OSBPL3: variants seen among roughly 807,000 people sequenced by gnomAD.
OSBPL3 encodes oxysterol binding protein like 3, also known as oxysterol-binding protein-related protein 3.
A neutral mutation model predicts 120.1 loss-of-function variants in OSBPL3; 65 were observed. The observed-to-expected ratio is 0.54, with a 90% confidence interval of 0.44 to 0.67. The LOEUF is 0.67. OSBPL3 is among the 30% of genes least tolerant of loss of function. The pLI, the probability that OSBPL3 is intolerant of heterozygous loss-of-function variation, is 0.00. For synonymous variants in OSBPL3, 416 were observed against 402.6 expected (o/e 1.03, Z -0.40); for missense variants, 1,004 against 1,082.1 (o/e 0.93, Z 1.01).
rs1436377637 is a variant in OSBPL3, at chr7:24,968,245, T to C, written c.-150+11641A>G. 6.6e-6 allele frequency among the ~76,000 whole-genome samples: 1 copy of C among 152,174 alleles called. No homozygotes were observed. The highest frequency in any genetic ancestry group is 2.4e-5 in the African/African-American group (1 of 41,436). ...CTCTCTGGAAAAACAAAAACAAAAA[T>C]GTCCTCATGTGTTATGTTTCCTGAT... is the stretch of plus-strand genomic sequence containing the variant. On this transcript the variant is annotated intron_variant, in intron 1 of 22. Coordinates refer to ENST00000313367, the MANE Select transcript of OSBPL3 (RefSeq NM_015550.4). The surrounding 1 kb of genome is among the most constrained non-coding windows in gnomAD (Gnocchi z 4.6).
At chr7:24,977,673 G>A (rs1817733788) in intron 1 of OSBPL3, among the ~76,000 whole-genome samples, 2 of 152,136 alleles carry the variant, frequency 1.3e-5, no homozygotes, top group South Asian at 4.1e-4. Flanking sequence ...TGGCTAACAC[G>A]GTGAAACCCC....
At chr7:24,948,827 A>T (rs999267620) in intron 1 of OSBPL3, among the ~76,000 whole-genome samples, 1 of 152,254 alleles carries the variant, frequency 6.6e-6, no homozygotes, top group African/African-American at 2.4e-5. Context: ...AGGTGTGGAT[A>T]CAAAGTATAT....
chr7:24,928,993 T>C (rs13230759), intron 1 of OSBPL3, among the ~76,000 whole-genome samples: 5,787 of 152,304 alleles, frequency 0.038, 151 homozygotes, highest in Non-Finnish European at 0.059. Flanking sequence ...GGCCTTTCTC[T>C]TGGGTAAATA....
chr7:24,929,151 T>C (rs1039456497), intron 1 of OSBPL3, among the ~76,000 whole-genome samples: 10 of 152,194 alleles, frequency 6.6e-5, no homozygotes, highest in African/African-American at 2.4e-4. Flanking sequence ...ACATTTGCTA[T>C]TGTCAGTCTT....
At position 24,936,256 on chromosome 7, in the gene OSBPL3, C is replaced by G. The variant is rs1341344514; in HGVS notation, c.-150+43630G>C. 6.6e-6 allele frequency among the ~76,000 whole-genome samples: 1 copy of G among 152,136 alleles called. No individual in the cohort carries two copies. Among genetic ancestry groups the G allele is most frequent in the Non-Finnish European group, 1.5e-5 (1 of 68,012 alleles). ...ACATATGCGAATATTTCAAAGGAAG[C>G]TGAGACAGTGAATACAGGCTGTTAC... On this transcript the variant is annotated intron_variant, in intron 1 of 22. Coordinates refer to ENST00000313367, the MANE Select transcript of OSBPL3 (RefSeq NM_015550.4). This position sits in a 1 kb window ranked among gnomAD's most constrained non-coding sequence, Gnocchi z 4.2.
intron 22 of OSBPL3, among the ~76,000 whole-genome samples, chr7:24,801,376 CA>C (rs1792337193): frequency 1.3e-5 from 2 of 151,946 alleles, no homozygotes; most frequent in Non-Finnish European, 2.9e-5. Flanking sequence ...TATACAGCTT[CA>C]AGTTTTTATC....
chr7:24,829,676 G>C (rs539205638), intron 16 of OSBPL3, among the ~76,000 whole-genome samples: 2 of 152,122 alleles, frequency 1.3e-5, no homozygotes, highest in African/African-American at 4.8e-5. Flanking sequence ...GAGAGTGGAC[G>C]TGTTTGATTG....
rs1202924923 is a variant in OSBPL3, at chr7:24,797,059, G to A, written c.*3124C>T. The A allele has an allele frequency of 2.0e-5, 3 of 152,220 alleles. No homozygotes were observed. Among genetic ancestry groups the A allele is most frequent in the Admixed American group, 6.5e-5 (1 of 15,290 alleles). The allele number at this position is 152,220 out of a possible 1,614,324, so 9.4% of individuals were successfully genotyped here. On this transcript the variant is annotated 3_prime_UTR_variant, in exon 23 of 23. Transcript: ENST00000313367. The surrounding 1 kb of genome is among the most constrained non-coding windows in gnomAD (Gnocchi z 4.8). Reference sequence around the variant, plus strand: ...TCTACTCATAACTAAAAGGTCTGCGGAGATTCTGTAGTAGCCAGAAGGCAT... The same window carrying A: ...TCTACTCATAACTAAAAGGTCTGCGAAGATTCTGTAGTAGCCAGAAGGCAT...
chr7:24,838,444 C>T (rs1321598173), intron 14 of OSBPL3, among the ~76,000 whole-genome samples: 3 of 152,120 alleles, frequency 2.0e-5, no homozygotes, highest in East Asian at 1.9e-4. Flanking sequence ...TGCAGTAAAC[C>T]GAGATCGCAC....
chr7:24,905,593 A>G (rs529449495), intron 1 of OSBPL3, among the ~76,000 whole-genome samples: 24 of 152,216 alleles, frequency 1.6e-4, no homozygotes, highest in Non-Finnish European at 2.9e-4. Flanking sequence ...CCCAGAGTCC[A>G]TGATTGAAGT....
Position 24,871,653 on chromosome 7 carries a change from A to G in OSBPL3, c.267+89T>C, listed in dbSNP as rs2128284422. 1 of 957,756 alleles carries G rather than the reference A, an allele frequency of 1.0e-6. No homozygotes were observed. The highest frequency in any genetic ancestry group is 1.5e-5 in the South Asian group (1 of 68,756). 59.3% of individuals were successfully genotyped at this position (957,756 alleles called of 1,614,324 possible). On this transcript the variant is annotated intron_variant, in intron 4 of 22. Coordinates refer to ENST00000313367, the MANE Select transcript of OSBPL3 (RefSeq NM_015550.4). This position sits in a 1 kb window ranked among gnomAD's most constrained non-coding sequence, Gnocchi z 4.8. ...ATGGTTTCCAGTTCCGAGAAAAGCT[A>G]TCCTCAACTATACACACTCTCATCT...
At chr7:24,981,181 A>C (rs144406772), upstream of OSBPL3, among the ~76,000 whole-genome samples, 1 of 152,340 alleles carries the variant, frequency 6.6e-6, no homozygotes, top group Non-Finnish European at 1.5e-5. The surrounding 1 kb of genome is among the most constrained non-coding windows in gnomAD (Gnocchi z 7.3). Flanking sequence ...AAAGGCTGAC[A>C]GACTGTTAGT....
At position 24,872,585 on chromosome 7, in the gene OSBPL3, G is replaced by C. The variant is rs1401198648; in HGVS notation, c.97-516C>G. On this transcript the variant is annotated intron_variant, in intron 2 of 22. Coordinates refer to ENST00000313367, the MANE Select transcript of OSBPL3 (RefSeq NM_015550.4). The surrounding 1 kb of genome is among the most constrained non-coding windows in gnomAD (Gnocchi z 4.1). ...ACTTGATTGAAATAATTATTTTGTT[G>C]AAAATCAGCATCCACAAATTCTAGG... Among the ~76,000 whole-genome samples, 1 of 151,738 alleles carries C rather than the reference G, an allele frequency of 6.6e-6. No individual in the cohort carries two copies. Among genetic ancestry groups the C allele is most frequent in the East Asian group, 1.9e-4 (1 of 5,188 alleles).
chr7:24,925,846 AC>A (rs1349017365), intron 1 of OSBPL3, among the ~76,000 whole-genome samples: 5 of 152,198 alleles, frequency 3.3e-5, no homozygotes, highest in African/African-American at 9.7e-5. Flanking sequence ...TATTTATTTC[AC>A]CCAGATTTGT....
intron 14 of OSBPL3, among the ~76,000 whole-genome samples, chr7:24,839,947 C>T (rs56373103): frequency 0.31 from 41,564 of 133,748 alleles, 6,336 homozygotes; most frequent in Admixed American, 0.43. Flanking sequence ...GCTAAGACTG[C>T]ACCATTGTAC....
rs1180478898 is a variant in OSBPL3 at position 24,854,489 on chromosome 7, TACACACACACACGCACACACACACAC to T, written c.1028-1881_1028-1856del. Reference sequence around the variant, plus strand: ...ATCTTAACAAAGTCACAACAATTTGTACACACACACACGCACACACACACACACACACACACACACACACACACAAA... The same window carrying T: ...ATCTTAACAAAGTCACAACAATTTGTACACACACACACACACACACACAAA... On this transcript the variant is annotated intron_variant, in intron 10 of 22. Coordinates refer to ENST00000313367, the MANE Select transcript of OSBPL3 (RefSeq NM_015550.4). This position sits in a 1 kb window ranked among gnomAD's most constrained non-coding sequence, Gnocchi z 4.1. 1.7e-4 allele frequency among the ~76,000 whole-genome samples: 22 copies of T among 127,498 alleles called. No homozygotes were observed. The highest frequency in any genetic ancestry group is 7.0e-4 in the African/African-American group (22 of 31,276). The allele number at this position is 127,498 out of a possible 152,430, so 83.6% of individuals were successfully genotyped here. A position where few individuals can be genotyped will look rare whatever the true frequency, so the allele number is the denominator to read the frequency against.
intron 1 of OSBPL3, among the ~76,000 whole-genome samples, chr7:24,908,202 T>C (rs1393385322): frequency 6.6e-6 from 1 of 152,220 alleles, no homozygotes; most frequent in Non-Finnish European, 1.5e-5. Flanking sequence ...CCACTTTCTA[T>C]CACTAGTTAA....
chr7:24,802,782 C>T lies in OSBPL3; in HGVS notation c.2567+1533G>A, dbSNP rs971780367. Reference sequence around the variant, plus strand: ...TAGACAATGTATGGAAGAAAAAGAACCAACCTACTTAAGGGTGTAATGTGT... The same window carrying T: ...TAGACAATGTATGGAAGAAAAAGAATCAACCTACTTAAGGGTGTAATGTGT... On this transcript the variant is annotated intron_variant, in intron 22 of 22. Transcript: ENST00000313367. The surrounding 1 kb of genome is among the most constrained non-coding windows in gnomAD (Gnocchi z 4.1). Among the ~76,000 whole-genome samples, 3 of 152,084 alleles carry T rather than the reference C, an allele frequency of 2.0e-5. No individual in the cohort carries two copies. Among genetic ancestry groups the T allele is most frequent in the Non-Finnish European group, 4.4e-5 (3 of 68,014 alleles).
At chr7:24,901,144 T>A (rs1304922002) in intron 1 of OSBPL3, among the ~76,000 whole-genome samples, 1 of 151,690 alleles carries the variant, frequency 6.6e-6, no homozygotes, top group East Asian at 1.9e-4. Flanking sequence ...CTGGCCAACA[T>A]AGAGAAACCC....
Sources: allele counts gnomAD v4.1 joint callset (sites outside exome capture counted in the v4.1 genomes callset), GRCh38; gene constraint gnomAD v4.1.1; non-coding constraint Gnocchi (gnomAD v3.1); transcripts MANE v1.5; gene names NCBI Gene and HGNC (gene_info 2026-07-23, HGNC 2026-07-21).